Variants in RAD50 observed in about 807,000 individuals in gnomAD.
RAD50 encodes RAD50 double strand break repair protein.
Under a neutral mutation model 168.8 loss-of-function variants are expected in RAD50, and 132 were observed. The observed-to-expected ratio is 0.78, with a 90% confidence interval of 0.68 to 0.90. The LOEUF (loss-of-function observed/expected upper bound fraction) is 0.90, where lower values mean the gene tolerates loss of function less well. Ranked by LOEUF, RAD50 falls within the 40% of genes least tolerant of loss-of-function variation. RAD50 has a pLI of 0.00. For synonymous variants in RAD50, 525 were observed against 497.4 expected (o/e 1.06, Z -0.74); for missense variants, 1,347 against 1,534.4 (o/e 0.88, Z 2.04).
At chr5:132,618,420 C>T (rs1041974218) in intron 21 of RAD50, 126 bp downstream of exon 21, 2 of 1,479,354 alleles carry the variant, frequency 1.4e-6, no homozygotes, top group Admixed American at 4.5e-5. Flanking sequence ...CTCTTGTTTC[C>T]CAGGCTGGAG....
In RAD50 at chr5:132,575,827, T is replaced by A; in HGVS notation, c.264T>A (p.Asp88Glu). The A allele has an allele frequency of 1.9e-6, 3 of 1,602,042 alleles. No individual in the cohort carries two copies. Among genetic ancestry groups the A allele is most frequent in the Non-Finnish European group, 2.6e-6 (3 of 1,168,988 alleles). The stretch of plus-strand genomic sequence containing the variant: ...CCCAGATTCGTCTGCAATTTCGTGA[T>A]GTCAATGGAGAACTTATAGCTGTGC... ...VRAQIRLQFR[D>E]VNGELIAVQR... Residue 88 changes from aspartate (D) to glutamate (E), a missense_variant, in exon 3 of 25, where the codon GAT (aspartate) becomes GAA (glutamate). Around this residue, in one of 3 missense-constraint regions of RAD50, gnomAD observed 703 missense variants for 767.7 expected, o/e 0.92. Transcript: ENST00000378823.
intron 5 of RAD50, among the ~76,000 whole-genome samples, chr5:132,586,854 G>A (rs1244435110): frequency 1.3e-5 from 2 of 152,104 alleles, no homozygotes; most frequent in Non-Finnish European, 2.9e-5. Context: ...GGGCAACATA[G>A]CAAGACCTTG....
intron 16 of RAD50, among the ~76,000 whole-genome samples, chr5:132,607,878 A>G (rs955200061): frequency 2.6e-5 from 4 of 152,244 alleles, no homozygotes; most frequent in Admixed American, 1.3e-4. Context: ...ATCTACCTCT[A>G]TAGATTCACT....
chr5:132,605,995 T>C (rs1373799310), intron 16 of RAD50, among the ~76,000 whole-genome samples: 1 of 152,118 alleles, frequency 6.6e-6, no homozygotes, highest in Non-Finnish European at 1.5e-5. Flanking sequence ...TAGAGGGAAA[T>C]TTATAGCACT....
rs786201831 is a variant in RAD50, at chr5:132,579,346, A to G, written c.395A>G (p.Lys132Arg). 2.5e-6 allele frequency: 4 copies of G among 1,613,894 alleles called. No individual in the cohort carries two copies. Among genetic ancestry groups the G allele is most frequent in the Non-Finnish European group, 3.4e-6 (4 of 1,179,942 alleles). ...GGTGAAAAGGTCAGTCTGAGCTCTA[A>G]GTGTGCAGAAATTGACCGAGAAATG... is the stretch of plus-strand genomic sequence containing the variant. ...KHGEKVSLSS[K>R]CAEIDREMIS... is the part of the protein sequence containing the mutation. Residue 132 changes from lysine (K) to arginine (R), a missense_variant, in exon 4 of 25, where the codon AAG (lysine) becomes AGG (arginine). Lys to Arg is a conservative substitution (Grantham distance 26). Coordinates refer to ENST00000378823, the MANE Select transcript of RAD50 (RefSeq NM_005732.4).
At chr5:132,611,629 C>T (rs2149851015) in intron 19 of RAD50, among the ~76,000 whole-genome samples, 1 of 150,178 alleles carries the variant, frequency 6.7e-6, no homozygotes, top group East Asian at 1.9e-4. Context: ...TGGCGTGAAC[C>T]TGGGAGGCAG....
rs61747588 is a variant in RAD50 at position 132,595,694 on chromosome 5, C to T, written c.2091C>T (p.Val697=). ...VFQTEAELQE[V]ISDLQSKLRL... is the part of the protein sequence containing the mutation. ...AGACAGAGGCTGAGTTACAAGAAGT[C>T]ATCAGTGATTTGCAGTCTAAACTGC... The change falls in exon 13 of 25, where the codon GTC becomes GTT. Residue 697 remains valine (V), a synonymous_variant. Coordinates refer to ENST00000378823, the MANE Select transcript of RAD50 (RefSeq NM_005732.4). 459 of 1,613,774 alleles carry T rather than the reference C, an allele frequency of 2.8e-4. 4 individuals are homozygous for T. The African/African-American group carries it at 5.4e-3, about 19-fold the overall frequency.
intron 21 of RAD50, among the ~76,000 whole-genome samples, chr5:132,629,965 A>G (rs1751434260): frequency 6.6e-6 from 1 of 152,018 alleles, no homozygotes; most frequent in Admixed American, 6.5e-5. Flanking sequence ...ATCACTCAAG[A>G]TATGGTGTTC....
intron 21 of RAD50, among the ~76,000 whole-genome samples, chr5:132,624,371 T>A (rs1241724040): frequency 6.6e-6 from 1 of 152,152 alleles, no homozygotes; most frequent in Non-Finnish European, 1.5e-5. Context: ...TATATTTGTT[T>A]TTTGTTTTTT....
chr5:132,568,216 G>A (rs923126884), intron 2 of RAD50, among the ~76,000 whole-genome samples: 12 of 151,864 alleles, frequency 7.9e-5, no homozygotes, highest in Admixed American at 7.2e-4. Flanking sequence ...AACTACAGGT[G>A]CCCACGACCA....
In RAD50 at chr5:132,617,735, C is replaced by T. The variant is rs7449456; in HGVS notation, c.3165-335C>T. The stretch of plus-strand genomic sequence containing the variant: ...TTGATAATTGTGCATTCTCAGTTCA[C>T]AATCAGAAGATTGTGAATTTGTAAT... On this transcript the variant is annotated intron_variant, in intron 20 of 24. Coordinates refer to ENST00000378823, the MANE Select transcript of RAD50 (RefSeq NM_005732.4). Among the ~76,000 whole-genome samples, 35,576 of 152,002 alleles carry T rather than the reference C, an allele frequency of 0.23. 4,376 individuals carry two copies. The highest frequency in any genetic ancestry group is 0.3 in the African/African-American group (12,399 of 41,452).
intron 21 of RAD50, among the ~76,000 whole-genome samples, chr5:132,626,600 C>T (rs994617518): frequency 2.0e-5 from 3 of 152,182 alleles, no homozygotes; most frequent in Non-Finnish European, 2.9e-5. Flanking sequence ...TCTTTAATAG[C>T]ACTAAAGAAC....
rs1751753603 is a variant in RAD50, at chr5:132,642,591, G to A, written c.*227G>A. 1.8e-6 allele frequency: 1 copy of A among 570,836 alleles called. No individual in the cohort carries two copies. The highest frequency in any genetic ancestry group is 1.9e-5 in the African/African-American group (1 of 53,448). 35.4% of individuals were successfully genotyped at this position (570,836 alleles called of 1,614,324 possible). On this transcript the variant is annotated 3_prime_UTR_variant, in exon 25 of 25. Transcript: ENST00000378823. ...GCTGCTCTTCATCCCATTCCAGGCA[G>A]CCTCTGTCAGGCCTTCAGGGTTCAG...
At chr5:132,593,578 C>G (rs754743369) in intron 11 of RAD50, 2 of 151,998 alleles carry the variant, frequency 1.3e-5, no homozygotes, top group Non-Finnish European at 2.9e-5. Context: ...CAGATGTTAC[C>G]TTGGATAGTG....
At chr5:132,575,424 A>G (rs949236512) in intron 2 of RAD50, among the ~76,000 whole-genome samples, 2 of 152,220 alleles carry the variant, frequency 1.3e-5, no homozygotes, top group African/African-American at 4.8e-5. Flanking sequence ...ATTCAAGATG[A>G]GATTTGGGTG....
At chr5:132,580,236 A>G (rs1429843746) in intron 5 of RAD50, among the ~76,000 whole-genome samples, 170 bp downstream of exon 5, 1 of 152,152 alleles carries the variant, frequency 6.6e-6, no homozygotes, top group Non-Finnish European at 1.5e-5. Context: ...TAGCAATTAT[A>G]TATTGTTATT....
intron 21 of RAD50, among the ~76,000 whole-genome samples, chr5:132,627,960 C>G (rs1359610103): frequency 6.6e-6 from 1 of 152,108 alleles, no homozygotes; most frequent in Non-Finnish European, 1.5e-5. Context: ...GGCCTTGCTT[C>G]TGAATTGAGT....
intron 11 of RAD50, among the ~76,000 whole-genome samples, chr5:132,592,455 C>G (rs1750720475): frequency 6.6e-6 from 1 of 152,106 alleles, no homozygotes; most frequent in South Asian, 2.1e-4. Flanking sequence ...GATTTCCCAT[C>G]GAAACTCTTG....
chr5:132,557,443 C>T lies in RAD50; in HGVS notation c.119C>T (p.Ala40Val), dbSNP rs1554096657. Reference protein sequence around the residue: ...PLTILVGPNGAGKTTIIECLK... With the variant: ...PLTILVGPNGVGKTTIIECLK... ...ACAATTTTGGTTGGACCCAATGGGG[C>T]GGGAAAGACGGTAAGTCTTCAGTAG... The change falls in exon 1 of 25, where the codon GCG becomes GTG. Residue 40 changes from alanine to valine, a missense_variant. Coordinates refer to ENST00000378823, the MANE Select transcript of RAD50 (RefSeq NM_005732.4). The T allele has an allele frequency of 1.2e-6, 2 of 1,614,058 alleles. No individual in the cohort carries two copies. Among genetic ancestry groups the T allele is most frequent in the Non-Finnish European group, 1.7e-6 (2 of 1,179,920 alleles).
Sources: gnomAD v4.1 joint callset for allele counts (sites outside exome capture counted in the v4.1 genomes callset) on GRCh38, gnomAD v4.1.1 for gene constraint, gnomAD v4.1.1 regional missense constraint, MANE v1.5 for transcripts, NCBI Gene and HGNC (gene_info 2026-07-23, HGNC 2026-07-21) for gene names.